The following CTNND2 variants were observed in gnomAD, a reference collection of about 807,000 sequenced individuals.
CTNND2 encodes the protein catenin delta 2.
A neutral mutation model predicts 144.4 loss-of-function variants in CTNND2; 22 were observed. The ratio of observed to expected loss-of-function variants is 0.15; its 90% CI spans 0.11 to 0.22. CTNND2 has a LOEUF of 0.22. Among genes scored for constraint, CTNND2 ranks in the 10% least tolerant of loss-of-function variants. CTNND2 has a pLI of 1.00. For missense variants in CTNND2, 1,353 were observed against 1,618.8 expected (o/e 0.84, Z 2.82); for synonymous variants, 751 against 695.6 (o/e 1.08, Z -1.25).
chr5:11,152,823 C>G lies in CTNND2; in HGVS notation c.2159+6753G>C, dbSNP rs185436597. ...TCACTTCACATCTTTACTAGACACA[C>G]TGATCAGGACTAAGCTGCCCGGCCA... On this transcript the variant is annotated intron_variant, in intron 12 of 21. Coordinates refer to ENST00000304623, the MANE Select transcript of CTNND2 (RefSeq NM_001332.4). Among the ~76,000 whole-genome samples, 6 of 152,342 alleles carry G rather than the reference C, an allele frequency of 3.9e-5. No individual in the cohort carries two copies. In the East Asian group the frequency reaches 1.2e-3, roughly 29 times the overall value.
At chr5:11,856,882 C>T (rs896385599) in intron 1 of CTNND2, among the ~76,000 whole-genome samples, 1 of 152,080 alleles carries the variant, frequency 6.6e-6, no homozygotes, top group Non-Finnish European at 1.5e-5. Flanking sequence ...AGTGTGAAAG[C>T]AATATGGGTG....
intron 3 of CTNND2, among the ~76,000 whole-genome samples, chr5:11,440,512 T>TA (rs1437739311): frequency 6.6e-6 from 1 of 152,152 alleles, no homozygotes; most frequent in Non-Finnish European, 1.5e-5. Context: ...TCCAAATTCT[T>TA]AGGTATGATT....
chr5:11,121,916 C>A (rs1213425437), intron 12 of CTNND2, among the ~76,000 whole-genome samples: 1 of 152,234 alleles, frequency 6.6e-6, no homozygotes. Flanking sequence ...ACCTCCTTTA[C>A]TGATCATCAT....
chr5:11,641,948 A>T (rs909154656), intron 2 of CTNND2, among the ~76,000 whole-genome samples: 24 of 152,116 alleles, frequency 1.6e-4, no homozygotes, highest in African/African-American at 5.3e-4. Flanking sequence ...AAAGCTGTTC[A>T]TTGATTCCAT....
chr5:11,557,112 C>T (rs756766740), intron 3 of CTNND2, among the ~76,000 whole-genome samples: 1 of 152,124 alleles, frequency 6.6e-6, no homozygotes, highest in Non-Finnish European at 1.5e-5. Flanking sequence ...AATTTATTTT[C>T]TCTCAAAAAC....
chr5:10,979,631 T>C (rs1394653042), intron 21 of CTNND2, among the ~76,000 whole-genome samples: 2 of 152,210 alleles, frequency 1.3e-5, no homozygotes, highest in East Asian at 3.8e-4. Flanking sequence ...CTTCAATAAA[T>C]GTTTGCAGAG....
chr5:11,136,444 T>G (rs2189662), intron 12 of CTNND2, among the ~76,000 whole-genome samples: 92,669 of 151,096 alleles, frequency 0.61, 28,297 homozygotes, highest in East Asian at 0.72. Context: ...AAGGCAAGAA[T>G]GAAAAAAGGA....
intron 2 of CTNND2, among the ~76,000 whole-genome samples, chr5:11,685,163 C>A (rs1412514372): frequency 6.6e-6 from 1 of 152,080 alleles, no homozygotes; most frequent in Non-Finnish European, 1.5e-5. Context: ...CTATGTTGAC[C>A]CTAAGACATT....
intron 9 of CTNND2, among the ~76,000 whole-genome samples, chr5:11,323,615 C>T (rs1056009362): frequency 2.0e-5 from 3 of 152,110 alleles, no homozygotes; most frequent in Admixed American, 1.3e-4. Context: ...TCAGGGGTCT[C>T]TGTTGATGGG....
intron 1 of CTNND2, among the ~76,000 whole-genome samples, chr5:11,888,988 G>A (rs1736765459): frequency 6.6e-6 from 1 of 152,076 alleles, no homozygotes; most frequent in South Asian, 2.1e-4. Flanking sequence ...CTGATCTCAT[G>A]ATCTGTCCAC....
At chr5:11,463,181 T>C (rs1263991657) in intron 3 of CTNND2, among the ~76,000 whole-genome samples, 2 of 152,238 alleles carry the variant, frequency 1.3e-5, no homozygotes, top group Non-Finnish European at 2.9e-5. Flanking sequence ...TGGTATATGA[T>C]ACACTCTTAA....
At chr5:11,818,523 A>G (rs1029951382) in intron 1 of CTNND2, among the ~76,000 whole-genome samples, 9 of 152,050 alleles carry the variant, frequency 5.9e-5, no homozygotes, top group Admixed American at 3.3e-4. Flanking sequence ...TGCCACCACC[A>G]TGCCCAGCTA....
rs55846837 is a variant in CTNND2, at chr5:11,218,416, T to G, written c.1761+18275A>C. Among the ~76,000 whole-genome samples, 1,348 of 152,288 alleles carry G rather than the reference T, an allele frequency of 8.9e-3. 19 individuals are homozygous for G. Among genetic ancestry groups the G allele is most frequent in the African/African-American group, 0.029 (1,185 of 41,550 alleles). On this transcript the variant is annotated intron_variant, in intron 10 of 21. Transcript: ENST00000304623. ...CAGTAAAGTTGCATATCAGAGTATC[T>G]TTTATCATTAGTAAGTCTGGATCCC...
intron 3 of CTNND2, among the ~76,000 whole-genome samples, chr5:11,522,428 C>T (rs1165404863): frequency 6.6e-6 from 1 of 152,090 alleles, no homozygotes; most frequent in Non-Finnish European, 1.5e-5. Flanking sequence ...AATAATAACC[C>T]CATCATCAAA....
At chr5:11,395,575 C>A (rs1271196158) in intron 6 of CTNND2, among the ~76,000 whole-genome samples, 3 of 152,114 alleles carry the variant, frequency 2.0e-5, no homozygotes, top group African/African-American at 4.8e-5. Flanking sequence ...ACTTAGTAAC[C>A]CTTTCTGATT....
At chr5:11,724,331 T>C (rs1325675854) in intron 2 of CTNND2, among the ~76,000 whole-genome samples, 1 of 152,108 alleles carries the variant, frequency 6.6e-6, no homozygotes, top group African/African-American at 2.4e-5. Flanking sequence ...TTGTTTTCAA[T>C]ATGAGCAGAG....
chr5:11,538,109 A>G (rs1247096581), intron 3 of CTNND2, among the ~76,000 whole-genome samples: 1 of 152,190 alleles, frequency 6.6e-6, no homozygotes, highest in Non-Finnish European at 1.5e-5. Flanking sequence ...ATTATTCTTA[A>G]ATAGCAAACT....
chr5:11,249,499 T>C (rs1328680612), intron 9 of CTNND2, among the ~76,000 whole-genome samples: 1 of 152,160 alleles, frequency 6.6e-6, no homozygotes, highest in Non-Finnish European at 1.5e-5. Context: ...TTGAATAATC[T>C]TATCTAGAAG....
At chr5:11,109,670 G>GA (rs1561316586) in intron 14 of CTNND2, among the ~76,000 whole-genome samples, 1 of 152,022 alleles carries the variant, frequency 6.6e-6, no homozygotes, top group South Asian at 2.1e-4. Context: ...AAATTTCTCT[G>GA]AAAAAAACCA....
Sources: allele counts gnomAD v4.1 joint callset (sites outside exome capture counted in the v4.1 genomes callset), GRCh38; gene constraint gnomAD v4.1.1; transcripts MANE v1.5; gene names NCBI Gene and HGNC (gene_info 2026-07-23, HGNC 2026-07-21).